MAPKAP1: variants seen among roughly 807,000 people sequenced by gnomAD.
The protein encoded by MAPKAP1 is target of rapamycin complex 2 subunit MAPKAP1.
In MAPKAP1, 20 loss-of-function variants were observed where a neutral mutation model predicts 65.7. The observed-to-expected ratio is 0.30, with a 90% confidence interval of 0.21 to 0.44. The LOEUF is 0.44. Ranked by LOEUF, MAPKAP1 falls within the 20% of genes least tolerant of loss-of-function variation. The pLI is 1.00. For synonymous variants in MAPKAP1, 222 were observed against 244.3 expected (o/e 0.91, Z 0.85); for missense variants, 423 against 648.0 (o/e 0.65, Z 3.77).
Position 125,499,075 on chromosome 9 carries a change from T to C in MAPKAP1, c.1066+7235A>G, listed in dbSNP as rs527272890. Among the ~76,000 whole-genome samples, 13 of 152,336 alleles carry C rather than the reference T, an allele frequency of 8.5e-5. No individual in the cohort carries two copies. In the South Asian group the frequency reaches 2.7e-3, roughly 32 times the overall value. ...ATCAATCTTATGAGGGCAGATAAAC[T>C]ACCCAAGAAAGGTTAAGTAAATGGC... On this transcript the variant is annotated intron_variant, in intron 8 of 11. Coordinates refer to ENST00000265960, the MANE Select transcript of MAPKAP1 (RefSeq NM_001006617.3).
intron 4 of MAPKAP1, among the ~76,000 whole-genome samples, chr9:125,651,380 A>T (rs1374203475): frequency 6.6e-6 from 1 of 151,970 alleles, no homozygotes. Flanking sequence ...CGAGGCGGGC[A>T]GATCACCTGA....
At chr9:125,557,340 G>A (rs931504961) in intron 6 of MAPKAP1, among the ~76,000 whole-genome samples, 4 of 152,008 alleles carry the variant, frequency 2.6e-5, no homozygotes, top group African/African-American at 9.7e-5. Context: ...TGTAGAAAAA[G>A]TTCTAGTCAT....
chr9:125,491,504 T>C (rs1854726567), intron 8 of MAPKAP1, among the ~76,000 whole-genome samples: 1 of 151,998 alleles, frequency 6.6e-6, no homozygotes, highest in Non-Finnish European at 1.5e-5. Flanking sequence ...GGGCCAGGCA[T>C]GGTGGCTCAC....
At chr9:125,646,303 T>A (rs1393382574) in intron 4 of MAPKAP1, among the ~76,000 whole-genome samples, 2 of 152,066 alleles carry the variant, frequency 1.3e-5, no homozygotes, top group Non-Finnish European at 2.9e-5. Flanking sequence ...AGCAACACCC[T>A]GTCTCTTCAA....
At chr9:125,633,038 C>CTACT (rs1439309301) in intron 4 of MAPKAP1, among the ~76,000 whole-genome samples, 1 of 152,220 alleles carries the variant, frequency 6.6e-6, no homozygotes, top group Admixed American at 6.5e-5. Flanking sequence ...CTAGCAATCA[C>CTACT]TACTTCCCTT....
intron 7 of MAPKAP1, among the ~76,000 whole-genome samples, chr9:125,540,837 T>C (rs2133164514): frequency 6.6e-6 from 1 of 152,324 alleles, no homozygotes; most frequent in Non-Finnish European, 1.5e-5. Flanking sequence ...TATGTGTTAC[T>C]TTCTATGACA....
chr9:125,649,798 C>CAAAAAA (rs35503728), intron 4 of MAPKAP1, among the ~76,000 whole-genome samples: 6 of 76,204 alleles, frequency 7.9e-5, no homozygotes, highest in African/African-American at 1.1e-4. Context: ...AACTCCGTCT[C>CAAAAAA]AAAAAAAAAA....
At chr9:125,530,714 T>C (rs979621765) in intron 7 of MAPKAP1, among the ~76,000 whole-genome samples, 4 of 152,230 alleles carry the variant, frequency 2.6e-5, no homozygotes, top group African/African-American at 9.6e-5. Flanking sequence ...CAGATTCTAA[T>C]TCAAACACAA....
At chr9:125,689,363 G>A (rs1427744099) in intron 1 of MAPKAP1, among the ~76,000 whole-genome samples, 2 of 147,904 alleles carry the variant, frequency 1.4e-5, no homozygotes, top group African/African-American at 5.0e-5. Flanking sequence ...CGTGAACCCG[G>A]GAGGCAGAGC....
intron 5 of MAPKAP1, among the ~76,000 whole-genome samples, chr9:125,560,824 T>C (rs1830871130): frequency 2.0e-5 from 3 of 152,208 alleles, no homozygotes. Flanking sequence ...CTCCCTAGAA[T>C]GTCCAGACAG....
At chr9:125,492,134 T>A (rs1172982412) in intron 8 of MAPKAP1, among the ~76,000 whole-genome samples, 1 of 147,486 alleles carries the variant, frequency 6.8e-6, no homozygotes, top group Non-Finnish European at 1.5e-5. Context: ...AGCCCAGGAG[T>A]TTGAGGCTAC....
chr9:125,693,454 CACAT>C (rs1166445878), intron 1 of MAPKAP1, among the ~76,000 whole-genome samples: 3 of 149,568 alleles, frequency 2.0e-5, no homozygotes, highest in African/African-American at 7.4e-5. Context: ...CACACACACA[CACAT>C]ACATGTATAT....
intron 6 of MAPKAP1, among the ~76,000 whole-genome samples, chr9:125,554,466 G>C (rs1376910308): frequency 6.6e-6 from 1 of 152,188 alleles, no homozygotes; most frequent in Non-Finnish European, 1.5e-5. Context: ...ATCACAAACT[G>C]ATCATACTAA....
At chr9:125,540,273 T>C (rs1165632541) in intron 7 of MAPKAP1, among the ~76,000 whole-genome samples, 2 of 152,252 alleles carry the variant, frequency 1.3e-5, no homozygotes, top group African/African-American at 4.8e-5. Context: ...ACATTAGGAC[T>C]GCCATTAGGC....
chr9:125,478,536 T>C (rs996115568), intron 9 of MAPKAP1, among the ~76,000 whole-genome samples: 8 of 152,120 alleles, frequency 5.3e-5, no homozygotes, highest in African/African-American at 1.9e-4. Flanking sequence ...TGTCATGTTG[T>C]CCAGACTGGT....
chr9:125,560,349 G>C (rs1353332169), intron 5 of MAPKAP1, among the ~76,000 whole-genome samples: 1 of 152,150 alleles, frequency 6.6e-6, no homozygotes, highest in Admixed American at 6.5e-5. Flanking sequence ...ACTTTGGGAG[G>C]CTGAGGCAGG....
At chr9:125,664,308 C>T (rs1000869977) in intron 3 of MAPKAP1, among the ~76,000 whole-genome samples, 2 of 151,336 alleles carry the variant, frequency 1.3e-5, no homozygotes, top group African/African-American at 2.4e-5. Flanking sequence ...GATCATGCTA[C>T]TGCACTCCAG....
chr9:125,677,137 G>A (rs1834669596), intron 1 of MAPKAP1, among the ~76,000 whole-genome samples: 1 of 152,120 alleles, frequency 6.6e-6, no homozygotes, highest in South Asian at 2.1e-4. Context: ...TTGATTCTCT[G>A]ACACAGCCAG....
chr9:125,610,585 A>G (rs938473772), intron 4 of MAPKAP1, among the ~76,000 whole-genome samples: 28 of 152,076 alleles, frequency 1.8e-4, no homozygotes, highest in African/African-American at 6.3e-4. Context: ...ACCCACCACC[A>G]CCAAAGACCT....
Sources: allele counts gnomAD v4.1 joint callset (sites outside exome capture counted in the v4.1 genomes callset), GRCh38; gene constraint gnomAD v4.1.1; transcripts MANE v1.5; gene names NCBI Gene and HGNC (gene_info 2026-07-23, HGNC 2026-07-21).